GPHN: variants seen among roughly 807,000 people sequenced by gnomAD.
GPHN encodes the protein gephyrin.
A neutral mutation model predicts 95.5 loss-of-function variants in GPHN; 17 were observed. The observed-to-expected ratio is 0.18, with a 90% CI of 0.12 to 0.27. The LOEUF (loss-of-function observed/expected upper bound fraction) is 0.27. Among genes scored for constraint, GPHN ranks in the 10% least tolerant of loss-of-function variants. GPHN has a pLI of 1.00. For synonymous variants in GPHN, 320 were observed against 322.5 expected, an observed-to-expected ratio of 0.99 and a Z score of 0.08; for missense variants, 660 against 978.1, an observed-to-expected ratio of 0.67 and a Z score of 4.34.
intron 19 of GPHN, among the ~76,000 whole-genome samples, chr14:67,162,030 G>T (rs1315927711): frequency 2.6e-5 from 4 of 152,080 alleles, no homozygotes; most frequent in African/African-American, 9.7e-5. Context: ...CTCAAGAGGA[G>T]AACTGAATAA....
the GPHN span, among the ~76,000 whole-genome samples, chr14:67,659,435 T>C: frequency 6.6e-6 from 1 of 151,690 alleles, no homozygotes; most frequent in Non-Finnish European, 1.5e-5. Flanking sequence ...ATAATAAGAA[T>C]AGGTAACATT....
intron 1 of GPHN, among the ~76,000 whole-genome samples, chr14:66,630,471 C>G (rs1566731392): frequency 6.6e-6 from 1 of 151,408 alleles, no homozygotes; most frequent in Non-Finnish European, 1.5e-5. Flanking sequence ...TCATCAGAAT[C>G]CTATTGTTGT....
chr14:67,703,305 G>C, the GPHN span, among the ~76,000 whole-genome samples: 1 of 152,202 alleles, frequency 6.6e-6, no homozygotes, highest in Non-Finnish European at 1.5e-5. Context: ...GGGTAAGGTA[G>C]TTCGATGGCA....
chr14:67,412,031 A>T, the GPHN span: 1 of 1,558,680 alleles, frequency 6.4e-7, no homozygotes, highest in South Asian at 1.2e-5. Flanking sequence ...CTTGACCAGG[A>T]AGCCCTCCTT....
the GPHN span, chr14:67,684,567 G>C: frequency 6.6e-6 from 1 of 152,052 alleles, no homozygotes; most frequent in Non-Finnish European, 1.5e-5. Context: ...GAGGACAATA[G>C]AGAAATGCAG....
the GPHN span, chr14:67,384,781 T>A: frequency 6.6e-6 from 1 of 152,192 alleles, no homozygotes; most frequent in African/African-American, 2.4e-5. Context: ...GGCTGGTTTC[T>A]GAGAGAGTGC....
chr14:66,962,843 T>A (rs945500877), intron 8 of GPHN, among the ~76,000 whole-genome samples: 3 of 151,870 alleles, frequency 2.0e-5, no homozygotes, highest in African/African-American at 7.2e-5. Flanking sequence ...TTTCTTATGA[T>A]AAGAACACCA....
intron 18 of GPHN, among the ~76,000 whole-genome samples, chr14:67,156,412 T>C (rs1309342378): frequency 2.6e-5 from 4 of 152,150 alleles, no homozygotes; most frequent in Non-Finnish European, 5.9e-5. Flanking sequence ...TTGATATGTT[T>C]TAAGGTTCTT....
intron 1 of GPHN, among the ~76,000 whole-genome samples, chr14:66,512,962 T>C (rs1358194479): frequency 6.6e-6 from 1 of 151,764 alleles, no homozygotes; most frequent in Non-Finnish European, 1.5e-5. Flanking sequence ...TAAGTGGAAC[T>C]GTATGTTCTG....
chr14:66,777,293 T>C (rs1385636315), intron 3 of GPHN, among the ~76,000 whole-genome samples: 1 of 152,184 alleles, frequency 6.6e-6, no homozygotes, highest in Non-Finnish European at 1.5e-5. Flanking sequence ...AATCTCTGAA[T>C]AGACCAATAA....
rs569750735 is a variant in GPHN, at chr14:66,780,773, A to C, written c.201+4252A>C. Among the ~76,000 whole-genome samples the C allele has an allele frequency of 1.3e-3, 201 of 152,330 alleles. 2 individuals carry two copies. Among genetic ancestry groups the C allele is most frequent in the Non-Finnish European group, 2.4e-3 (160 of 68,022 alleles). On this transcript the variant is annotated intron_variant, in intron 3 of 22. Transcript: ENST00000478722. ...ACATTTCACCAATATTTGATGGCAC[A>C]TTAGCATTTTCAGCTGAAATCAGTT...
chr14:66,952,158 C>CA (rs1170509208), intron 8 of GPHN, among the ~76,000 whole-genome samples: 20 of 151,996 alleles, frequency 1.3e-4, no homozygotes, highest in Admixed American at 9.8e-4. Context: ...CCACCGCTCC[C>CA]AAAAAAACAC....
the GPHN span, chr14:67,338,856 C>A: frequency 9.1e-7 from 1 of 1,104,318 alleles, no homozygotes; most frequent in African/African-American, 1.6e-5. Context: ...ATAATAAACA[C>A]ATACCTAGAA....
chr14:67,642,402 A>G, the GPHN span: 2 of 1,607,444 alleles, frequency 1.2e-6, no homozygotes, highest in East Asian at 2.2e-5. Context: ...GATGGATTAC[A>G]TGGTGCTTGG....
the GPHN span, among the ~76,000 whole-genome samples, chr14:67,407,158 G>A: frequency 1.3e-5 from 2 of 152,026 alleles, no homozygotes; most frequent in African/African-American, 4.8e-5. Context: ...GTCTTGCACT[G>A]TCGCCCGGGC....
chr14:66,655,171 A>G (rs2065240553), intron 1 of GPHN, among the ~76,000 whole-genome samples: 1 of 152,094 alleles, frequency 6.6e-6, no homozygotes, highest in African/African-American at 2.4e-5. Context: ...TGTAATTTTG[A>G]TTGGTAACAA....
At chr14:66,769,350 G>C (rs192289162) in intron 2 of GPHN, among the ~76,000 whole-genome samples, 1 of 151,908 alleles carries the variant, frequency 6.6e-6, no homozygotes, top group African/African-American at 2.4e-5. Context: ...TATGTTCAAG[G>C]GTACATGTTC....
At chr14:66,642,975 A>G (rs180734702) in intron 1 of GPHN, among the ~76,000 whole-genome samples, 1 of 152,066 alleles carries the variant, frequency 6.6e-6, no homozygotes, top group Non-Finnish European at 1.5e-5. Context: ...ATTGGATCAC[A>G]TTAAAAATAA....
At chr14:66,650,940 C>A (rs1344132060) in intron 1 of GPHN, among the ~76,000 whole-genome samples, 1 of 152,282 alleles carries the variant, frequency 6.6e-6, no homozygotes, top group East Asian at 1.9e-4. Flanking sequence ...AAAAATGTCA[C>A]CTGAACTTAA....
Sources: gnomAD v4.1 joint callset for allele counts (sites outside exome capture counted in the v4.1 genomes callset) on GRCh38, gnomAD v4.1.1 for gene constraint, MANE v1.5 for transcripts, NCBI Gene and HGNC (gene_info 2026-07-23, HGNC 2026-07-21) for gene names.